The following PTPRK variants were observed in gnomAD, a reference collection of about 807,000 sequenced individuals.
The protein encoded by PTPRK is receptor-type tyrosine-protein phosphatase kappa.
A neutral mutation model predicts 178.0 loss-of-function variants in PTPRK; 75 were observed. The observed-to-expected ratio is 0.42, with a 90% CI of 0.35 to 0.51. PTPRK has a LOEUF of 0.51. PTPRK is among the 20% of genes least tolerant of loss of function. The pLI, the probability that PTPRK is intolerant of heterozygous loss-of-function variation, is 0.02. For synonymous variants in PTPRK, 637 were observed against 620.6 expected, an observed-to-expected ratio of 1.03 and a Z score of -0.39; for missense variants, 1,441 against 1,797.8, an observed-to-expected ratio of 0.80 and a Z score of 3.59.
At chr6:128,078,762 G>T in intron 11 of PTPRK, 51 bp downstream of exon 11, 1 of 1,337,902 alleles carries the variant, frequency 7.5e-7, no homozygotes, top group South Asian at 1.2e-5. Context: ...GGCATCTTGG[G>T]ATGTACATAC....
At chr6:128,239,665 A>G (rs1814019095) in intron 5 of PTPRK, among the ~76,000 whole-genome samples, 1 of 152,234 alleles carries the variant, frequency 6.6e-6, no homozygotes, top group Non-Finnish European at 1.5e-5. Context: ...TTATCAGAGT[A>G]TGACAGCTCC....
intron 1 of PTPRK, among the ~76,000 whole-genome samples, chr6:128,448,408 A>C (rs1485238901): frequency 6.6e-6 from 1 of 152,170 alleles, no homozygotes; most frequent in Non-Finnish European, 1.5e-5. Context: ...AATTAAGCTG[A>C]GCTGTAACCA....
At chr6:128,290,615 T>G (rs1304727271) in intron 3 of PTPRK, among the ~76,000 whole-genome samples, 1 of 152,016 alleles carries the variant, frequency 6.6e-6, no homozygotes, top group African/African-American at 2.4e-5. Flanking sequence ...CAGGGGCCAG[T>G]TCTCTAGGAT....
chr6:127,985,792 C>A lies in PTPRK; in HGVS notation c.3180G>T (p.Gly1060=), dbSNP rs758933245. Residue 1060 remains glycine (G), a synonymous_variant, in exon 22 of 30, where the codon GGG becomes GGT. Coordinates refer to ENST00000368226, the MANE Select transcript of PTPRK (RefSeq NM_002844.4). ...TGACTCGCCGGATAAAGGAAAGCAG[C>A]CCTGTAGCATGGTAGGGCACTCCAT... ...PDHGVPYHAT[G]LLSFIRRVKL... 1.2e-6 allele frequency: 2 copies of A among 1,613,914 alleles called. No individual in the cohort carries two copies. The highest frequency in any genetic ancestry group is 1.1e-5 in the South Asian group (1 of 91,070).
chr6:128,094,569 G>T (rs937573740), intron 7 of PTPRK, among the ~76,000 whole-genome samples: 3 of 152,252 alleles, frequency 2.0e-5, no homozygotes, highest in African/African-American at 7.2e-5. Flanking sequence ...GGGGTAAAAT[G>T]ATCCAATAAT....
chr6:128,148,159 G>A (rs1473801213), intron 7 of PTPRK, among the ~76,000 whole-genome samples: 1 of 152,074 alleles, frequency 6.6e-6, no homozygotes, highest in Non-Finnish European at 1.5e-5. Context: ...ATTAAGAGGG[G>A]CACTGATGAA....
chr6:127,981,236 G>A lies in PTPRK; in HGVS notation c.3591C>T (p.Cys1197=). 1 of 1,613,822 alleles carries A rather than the reference G, an allele frequency of 6.2e-7. No homozygotes were observed. Residue 1197 remains cysteine (C), a synonymous_variant, in exon 25 of 30, where the codon TGC becomes TGT. Coordinates refer to ENST00000368226, the MANE Select transcript of PTPRK (RefSeq NM_002844.4). ...GGTTCTTGTCATGGTTCCTTGGCAG[G>A]CACGCTATACTGCAGTCTTCAGCTT... ...RLQAEDCSIA[C]LPRNHDKNRF... is the part of the protein sequence containing the mutation.
chr6:128,295,341 A>G (rs1824135403), intron 3 of PTPRK, among the ~76,000 whole-genome samples: 1 of 152,114 alleles, frequency 6.6e-6, no homozygotes, highest in South Asian at 2.1e-4. Context: ...CTGTTACAGG[A>G]TACGGAAAAA....
At chr6:128,356,276 C>T (rs1474913535) in intron 2 of PTPRK, among the ~76,000 whole-genome samples, 1 of 152,004 alleles carries the variant, frequency 6.6e-6, no homozygotes, top group African/African-American at 2.4e-5. Context: ...AACAACAATT[C>T]AAGTCCAGAT....
intron 10 of PTPRK, 147 bp from the exon 11 acceptor site, chr6:128,079,065 A>C (rs576902742): frequency 3.6e-5 from 17 of 472,348 alleles, no homozygotes; most frequent in Non-Finnish European, 6.4e-5. Context: ...AACATCTCCA[A>C]ATGAATTTCA....
chr6:128,184,343 A>G lies in PTPRK; in HGVS notation c.1162+89T>C. 3 of 1,285,790 alleles carry G rather than the reference A, an allele frequency of 2.3e-6. No homozygotes were observed. In the South Asian group the frequency reaches 4.3e-5, roughly 19 times the overall value. 79.6% of individuals were successfully genotyped at this position (1,285,790 alleles called of 1,614,324 possible). On this transcript the variant is annotated intron_variant, in intron 7 of 29. Coordinates refer to ENST00000368226, the MANE Select transcript of PTPRK (RefSeq NM_002844.4). ...AATAGTGTGACTATATCATATATCA[A>G]ATAATGAGAACCTTCAACACTGCAT... is the stretch of plus-strand genomic sequence containing the variant.
intron 7 of PTPRK, among the ~76,000 whole-genome samples, chr6:128,124,419 A>T (rs996025063): frequency 6.6e-6 from 1 of 152,100 alleles, no homozygotes; most frequent in Non-Finnish European, 1.5e-5. Flanking sequence ...AACACATTAG[A>T]TATTACATAA....
intron 7 of PTPRK, among the ~76,000 whole-genome samples, chr6:128,167,679 C>T (rs1799616923): frequency 6.6e-6 from 1 of 151,896 alleles, no homozygotes; most frequent in Admixed American, 6.6e-5. Context: ...AGTAAGGTTC[C>T]CTATGACTAA....
chr6:128,378,461 G>T (rs1259855887), intron 2 of PTPRK, among the ~76,000 whole-genome samples: 1 of 151,916 alleles, frequency 6.6e-6, no homozygotes, highest in Non-Finnish European at 1.5e-5. Flanking sequence ...GATTGATGGT[G>T]ATTTTCTCTT....
In PTPRK at chr6:128,269,240, C is replaced by T. The variant is rs146744996; in HGVS notation, c.496-26638G>A. Among the ~76,000 whole-genome samples, 570 of 151,988 alleles carry T rather than the reference C, an allele frequency of 3.8e-3. 1 individual carries two copies. Among genetic ancestry groups the T allele is most frequent in the Admixed American group, 6.9e-3 (105 of 15,238 alleles). On this transcript the variant is annotated intron_variant, in intron 3 of 29. Transcript: ENST00000368226. ...GCAGGATAGGGTAGAATACATGGAT[C>T]CTGTCATCAAGAGAAGATAAATTCT...
At chr6:128,079,189 CT>C (rs1161665943) in intron 10 of PTPRK, among the ~76,000 whole-genome samples, 2 of 152,056 alleles carry the variant, frequency 1.3e-5, no homozygotes, top group Non-Finnish European at 2.9e-5. Context: ...AGATGCTTTC[CT>C]TTTAGTTTCC....
At position 127,973,112 on chromosome 6, in the gene PTPRK, A is replaced by G. The variant is rs773417195; in HGVS notation, c.4179T>C (p.Val1393=). The G allele has an allele frequency of 6.2e-7, 1 of 1,614,078 alleles. No individual in the cohort carries two copies. Among genetic ancestry groups the G allele is most frequent in the Non-Finnish European group, 8.5e-7 (1 of 1,179,958 alleles). ...CATTTTGCCGTTTCACCATTTCAAC[A>G]ACGATGCCTATAGCACAGAACATGC... The part of the protein sequence containing the change: ...RSGMFCAIGI[V]VEMVKRQNVV... Residue 1393 remains valine, a synonymous_variant, in exon 29 of 30, where the codon GTT becomes GTC. Coordinates refer to ENST00000368226, the MANE Select transcript of PTPRK (RefSeq NM_002844.4).
intron 1 of PTPRK, among the ~76,000 whole-genome samples, chr6:128,469,827 A>T (rs1850374368): frequency 6.6e-6 from 1 of 152,090 alleles, no homozygotes; most frequent in Non-Finnish European, 1.5e-5. Flanking sequence ...AAAAGAGATG[A>T]CAGTGTGGGC....
chr6:127,982,783 G>A (rs755981266), intron 24 of PTPRK, 48 bp downstream of exon 24: 1 of 1,538,604 alleles, frequency 6.5e-7, no homozygotes, highest in South Asian at 1.2e-5. Flanking sequence ...CTAGCGCCCA[G>A]AACAAATTGT....
Sources: allele counts gnomAD v4.1 joint callset (sites outside exome capture counted in the v4.1 genomes callset), GRCh38; gene constraint gnomAD v4.1.1; transcripts MANE v1.5; gene names NCBI Gene and HGNC (gene_info 2026-07-23, HGNC 2026-07-21).